KBTBD12: variants seen among roughly 807,000 people sequenced by gnomAD.
The protein encoded by KBTBD12 is kelch repeat and BTB domain-containing protein 12.
In KBTBD12, 53 loss-of-function variants were observed where a neutral mutation model predicts 58.7. The observed-to-expected ratio is 0.90, with a 90% confidence interval of 0.72 to 1.14. KBTBD12 has a LOEUF of 1.14. Among genes scored for constraint, KBTBD12 ranks in the 50% most tolerant of loss-of-function variants. The probability of loss-of-function intolerance (pLI) is 0.00; values close to 1 mark genes in which losing one functional copy is unlikely to be tolerated. For missense variants in KBTBD12, 704 were observed against 751.3 expected (o/e 0.94, Z 0.74); for synonymous variants, 236 against 259.8 (o/e 0.91, Z 0.88).
chr3:127,920,072 T>C (rs1281569609), intron 1 of KBTBD12, among the ~76,000 whole-genome samples: 1 of 152,184 alleles, frequency 6.6e-6, no homozygotes, highest in Admixed American at 6.5e-5. Context: ...TGTCTTGAAA[T>C]TGGGGTTTAT....
At chr3:127,983,685 G>C (rs547303344) in intron 5 of KBTBD12, among the ~76,000 whole-genome samples, 1 of 152,080 alleles carries the variant, frequency 6.6e-6, no homozygotes, top group Non-Finnish European at 1.5e-5. Context: ...CCCGGGAGGC[G>C]GAGGTTGCAG....
intron 4 of KBTBD12, among the ~76,000 whole-genome samples, chr3:127,937,341 T>C (rs2107596933): frequency 6.6e-6 from 1 of 152,216 alleles, no homozygotes; most frequent in South Asian, 2.1e-4. Flanking sequence ...TCAAAAATGT[T>C]TGGGTAAGAA....
chr3:127,923,701 G>A lies in KBTBD12; in HGVS notation c.640G>A (p.Val214Ile). Residue 214 changes from valine (V) to isoleucine (I), a missense_variant, in exon 2 of 6, where the codon GTT becomes ATT. Transcript: ENST00000405109. The stretch of plus-strand genomic sequence containing the variant: ...CAAAGAATTGCGTACAGTGCATCTT[G>A]TTGAGCTTTTGAAGCAAGTCAGATT... ...HNKELRTVHL[V>I]ELLKQVRLEL... The A allele has an allele frequency of 6.2e-7, 1 of 1,613,854 alleles. No homozygotes were observed. Among genetic ancestry groups the A allele is most frequent in the Non-Finnish European group, 8.5e-7 (1 of 1,179,816 alleles).
chr3:127,916,699 A>G (rs1035068317), intron 1 of KBTBD12, among the ~76,000 whole-genome samples: 8 of 149,836 alleles, frequency 5.3e-5, no homozygotes, highest in African/African-American at 1.7e-4. Context: ...AAAACAAAAC[A>G]AAAAGCAAAA....
At chr3:127,917,163 G>T (rs763167658) in intron 1 of KBTBD12, among the ~76,000 whole-genome samples, 1 of 152,168 alleles carries the variant, frequency 6.6e-6, no homozygotes, top group Non-Finnish European at 1.5e-5. Flanking sequence ...GATCCCACAG[G>T]CTGAGAGCTC....
rs1464871402 is a variant in KBTBD12 at position 127,923,546 on chromosome 3, A to G, written c.485A>G (p.Glu162Gly). The G allele has an allele frequency of 7.4e-6, 12 of 1,613,014 alleles. No homozygotes were observed. Among genetic ancestry groups the G allele is most frequent in the Non-Finnish European group, 9.3e-6 (11 of 1,179,648 alleles). Residue 162 changes from glutamate (E) to glycine (G), a missense_variant, in exon 2 of 6, where the codon GAG becomes GGG. Coordinates refer to ENST00000405109, the MANE Select transcript of KBTBD12 (RefSeq NM_207335.4). Reference protein sequence around the residue: ...SKKYLYQHFAEVSLHEEILEI... With the variant: ...SKKYLYQHFAGVSLHEEILEI... ...AAATATTTATATCAGCACTTTGCCG[A>G]GGTGAGCTTACATGAAGAAATACTA...
chr3:127,963,615 G>A lies in KBTBD12; in HGVS notation c.1690+229G>A. On this transcript the variant is annotated intron_variant, in intron 5 of 5. Transcript: ENST00000405109. ...AGAATTAAATGGAATCTAGTTTACG[G>A]CCATACCACCCTGAACACACCTGGT... 7.0e-6 allele frequency: 3 copies of A among 429,224 alleles called. No individual in the cohort carries two copies. The South Asian group carries it at 1.2e-4, about 17-fold the overall frequency. The allele number at this position is 429,224 out of a possible 1,614,324, so 26.6% of individuals were successfully genotyped here. A position where few individuals can be genotyped will look rare whatever the true frequency, so the allele number is the denominator to read the frequency against.
chr3:127,941,014 A>G (rs1405290008), intron 4 of KBTBD12, among the ~76,000 whole-genome samples: 1 of 152,232 alleles, frequency 6.6e-6, no homozygotes, highest in Non-Finnish European at 1.5e-5. Context: ...GATAAAAGAT[A>G]TAACCCCAAA....
chr3:127,978,986 A>G (rs1328988797), intron 5 of KBTBD12, among the ~76,000 whole-genome samples: 2 of 152,198 alleles, frequency 1.3e-5, no homozygotes, highest in Non-Finnish European at 2.9e-5. Context: ...CACACACATG[A>G]TTTAGCCCTA....
intron 4 of KBTBD12, among the ~76,000 whole-genome samples, chr3:127,951,071 G>C (rs917974383): frequency 4.3e-4 from 65 of 152,234 alleles, no homozygotes; most frequent in African/African-American, 1.4e-3. Flanking sequence ...TTTACACCAG[G>C]AACAACATAT....
At chr3:127,917,607 A>C (rs1174279120) in intron 1 of KBTBD12, among the ~76,000 whole-genome samples, 1 of 152,164 alleles carries the variant, frequency 6.6e-6, no homozygotes, top group Non-Finnish European at 1.5e-5. Context: ...ACCAGCTCCT[A>C]TCCTGAAGCT....
rs562805619 is a variant in KBTBD12 at position 127,929,981 on chromosome 3, C to T, written c.1342-152C>T. ...TGATATTGACAGTATACTTATAACC[C>T]CCGTCATGGGGTTTGGTGTGTTTGT... is the stretch of plus-strand genomic sequence containing the variant. On this transcript the variant is annotated intron_variant, in intron 3 of 5. Transcript: ENST00000405109. Among the ~76,000 whole-genome samples the T allele has an allele frequency of 6.6e-5, 10 of 152,190 alleles. 1 individual carries two copies. The highest frequency in any genetic ancestry group is 2.4e-4 in the African/African-American group (10 of 41,518).
chr3:127,971,031 C>T (rs1406349110), intron 5 of KBTBD12, among the ~76,000 whole-genome samples: 5 of 152,132 alleles, frequency 3.3e-5, no homozygotes, highest in Non-Finnish European at 7.3e-5. Context: ...GTGTTTGACA[C>T]TAATGAGGAG....
chr3:127,971,408 G>A (rs1281525122), intron 5 of KBTBD12, among the ~76,000 whole-genome samples: 1 of 152,194 alleles, frequency 6.6e-6, no homozygotes, highest in African/African-American at 2.4e-5. Flanking sequence ...ATCTCACAAA[G>A]AGGAGTTGCT....
chr3:127,975,412 A>C (rs1940766684), intron 5 of KBTBD12, among the ~76,000 whole-genome samples: 1 of 152,232 alleles, frequency 6.6e-6, no homozygotes, highest in African/African-American at 2.4e-5. Context: ...TACTTCTGAC[A>C]GTCTCTTCTA....
chr3:127,928,649 G>A (rs957637981), intron 3 of KBTBD12, among the ~76,000 whole-genome samples: 9 of 152,302 alleles, frequency 5.9e-5, no homozygotes, highest in African/African-American at 2.2e-4. Context: ...CTCCCCTCCG[G>A]ATGTCCTCTC....
chr3:127,983,260 T>C (rs1373855818), intron 5 of KBTBD12, among the ~76,000 whole-genome samples: 1 of 152,204 alleles, frequency 6.6e-6, no homozygotes, highest in African/African-American at 2.4e-5. Flanking sequence ...TAATTTTTGG[T>C]GCTTAAGTCC....
intron 1 of KBTBD12, among the ~76,000 whole-genome samples, chr3:127,918,728 AAAAG>A (rs1939321897): frequency 1.3e-5 from 2 of 152,072 alleles, no homozygotes; most frequent in African/African-American, 4.8e-5. Context: ...AAAAAAAAGA[AAAAG>A]AAAAGAGAAC....
At chr3:127,964,110 G>A (rs1940512377) in intron 5 of KBTBD12, among the ~76,000 whole-genome samples, 1 of 152,002 alleles carries the variant, frequency 6.6e-6, no homozygotes, top group Non-Finnish European at 1.5e-5. Flanking sequence ...TGCCTCCAAA[G>A]TTTGATTAGT....
Sources: allele counts gnomAD v4.1 joint callset (sites outside exome capture counted in the v4.1 genomes callset), GRCh38; gene constraint gnomAD v4.1.1; transcripts MANE v1.5; gene names NCBI Gene and HGNC (gene_info 2026-07-23, HGNC 2026-07-21).